Variants in SLC35F4 observed in about 807,000 individuals in gnomAD.
SLC35F4 encodes the protein chromosome 14 open reading frame 36.
A neutral mutation model predicts 44.2 loss-of-function variants in SLC35F4; 24 were observed. That is an observed-to-expected ratio of 0.54 (90% CI 0.39 to 0.76). The LOEUF is 0.76. SLC35F4 is among the 30% of genes least tolerant of loss of function. SLC35F4 has a pLI of 0.00. For missense variants in SLC35F4, 562 were observed against 586.1 expected, an observed-to-expected ratio of 0.96 and a Z score of 0.42; for synonymous variants, 238 against 223.6, an observed-to-expected ratio of 1.06 and a Z score of -0.57.
chr14:57,567,067 G>A (rs374263251), intron 6 of SLC35F4, among the ~76,000 whole-genome samples: 3 of 152,188 alleles, frequency 2.0e-5, no homozygotes, highest in Non-Finnish European at 4.4e-5. Flanking sequence ...ACAAGGGTGG[G>A]TTTAATGTAA....
chr14:57,625,298 G>C (rs908413208), intron 1 of SLC35F4, among the ~76,000 whole-genome samples: 3 of 152,076 alleles, frequency 2.0e-5, no homozygotes, highest in East Asian at 1.9e-4. Context: ...AAGGAAATAA[G>C]AGAGGACACA....
At chr14:57,820,192 G>A (rs1183488918) in intron 1 of SLC35F4, among the ~76,000 whole-genome samples, 1 of 152,088 alleles carries the variant, frequency 6.6e-6, no homozygotes, top group East Asian at 1.9e-4. Context: ...GATTTTTAAT[G>A]AATTTTTGCT....
chr14:57,574,130 T>A (rs2068656924), intron 4 of SLC35F4, among the ~76,000 whole-genome samples: 1 of 152,156 alleles, frequency 6.6e-6, no homozygotes, highest in African/African-American at 2.4e-5. Flanking sequence ...GGTTTCATTA[T>A]CCCCAAGATA....
intron 1 of SLC35F4, among the ~76,000 whole-genome samples, chr14:57,964,989 A>ATATATATATAT (rs1351434287): frequency 3.9e-4 from 50 of 127,882 alleles, no homozygotes; most frequent in African/African-American, 1.6e-3. Flanking sequence ...AAAAAAAAAA[A>ATATATATATAT]AAATATATAT....
intron 1 of SLC35F4, among the ~76,000 whole-genome samples, chr14:57,599,189 A>G (rs1037182305): frequency 2.2e-4 from 33 of 152,250 alleles, no homozygotes; most frequent in Admixed American, 3.9e-4. Flanking sequence ...ACTCATTTTT[A>G]TAGCCACTTA....
intron 4 of SLC35F4, chr14:57,578,989 C>A (rs1048722638): frequency 6.6e-6 from 1 of 152,198 alleles, no homozygotes; most frequent in Non-Finnish European, 1.5e-5. Context: ...ACAGTCCTTG[C>A]CTCTTCCAGG....
At chr14:57,600,703 A>AC (rs1239827139) in intron 1 of SLC35F4, among the ~76,000 whole-genome samples, 25 of 142,402 alleles carry the variant, frequency 1.8e-4, no homozygotes, top group African/African-American at 6.6e-4. Flanking sequence ...AAAAAAAAAA[A>AC]AAAAAAAAAA....
rs76378289 is a variant in SLC35F4, at chr14:57,732,584, T to A, written c.103+133139A>T. 2.6e-4 allele frequency among the ~76,000 whole-genome samples: 40 copies of A among 152,276 alleles called. No homozygotes were observed. In the East Asian group the frequency reaches 7.0e-3, roughly 26 times the overall value. On this transcript the variant is annotated intron_variant, in intron 1 of 7. Coordinates refer to ENST00000556826, the MANE Select transcript of SLC35F4 (RefSeq NM_001306087.2). ...TCTTTGCAACCAGAAGTTGAGCCCT[T>A]CAATTGTAGTAACTGGGCAGATGGC...
At chr14:57,785,709 T>A (rs1488890314) in intron 1 of SLC35F4, among the ~76,000 whole-genome samples, 1 of 152,004 alleles carries the variant, frequency 6.6e-6, no homozygotes, top group Admixed American at 6.6e-5. Context: ...TGGAGCTGAG[T>A]CCATTTAGAG....
chr14:57,887,635 G>A (rs1024740902), intron 1 of SLC35F4, among the ~76,000 whole-genome samples: 1 of 152,132 alleles, frequency 6.6e-6, no homozygotes, highest in African/African-American at 2.4e-5. Flanking sequence ...GAGAGAGCTG[G>A]AATTTTGGGT....
Position 57,703,544 on chromosome 14 carries a change from G to A in SLC35F4, c.104-109420C>T, listed in dbSNP as rs563304355. ...TGCCAACAAGTGGGCAGTGGTAGAG[G>A]TGAACCTTTATGAACAGGGCTAAGC... is the stretch of plus-strand genomic sequence containing the variant. On this transcript the variant is annotated intron_variant, in intron 1 of 7. Transcript: ENST00000556826. 4.6e-4 allele frequency among the ~76,000 whole-genome samples: 70 copies of A among 152,276 alleles called. No individual in the cohort carries two copies. The South Asian group carries it at 0.014, about 31-fold the overall frequency.
At chr14:57,826,129 G>A in intron 1 of SLC35F4, among the ~76,000 whole-genome samples, 1 of 152,154 alleles carries the variant, frequency 6.6e-6, no homozygotes, top group African/African-American at 2.4e-5. Flanking sequence ...CAATGCTACA[G>A]TAACCAAAAC....
intron 1 of SLC35F4, among the ~76,000 whole-genome samples, chr14:57,882,246 C>T (rs1418683841): frequency 6.6e-6 from 1 of 152,166 alleles, no homozygotes; most frequent in Non-Finnish European, 1.5e-5. Context: ...CACTGTGCCC[C>T]TACTTTGGTG....
At chr14:57,590,425 G>T (rs958622079) in intron 2 of SLC35F4, among the ~76,000 whole-genome samples, 47 of 150,930 alleles carry the variant, frequency 3.1e-4, no homozygotes, top group African/African-American at 1.1e-3. Flanking sequence ...ATTATTAAAA[G>T]TAATGTGTCC....
intron 1 of SLC35F4, among the ~76,000 whole-genome samples, chr14:57,602,716 C>T (rs2070902681): frequency 6.6e-6 from 1 of 152,144 alleles, no homozygotes; most frequent in South Asian, 2.1e-4. Flanking sequence ...AGAGGAGCTC[C>T]ACTGTTATAC....
chr14:57,867,979 T>C (rs1022252816), upstream of SLC35F4, among the ~76,000 whole-genome samples: 1 of 152,182 alleles, frequency 6.6e-6, no homozygotes, highest in Non-Finnish European at 1.5e-5. Flanking sequence ...CCATAATTAA[T>C]GTACTTAAAT....
At chr14:57,666,594 C>G (rs2074316780) in intron 1 of SLC35F4, among the ~76,000 whole-genome samples, 1 of 151,944 alleles carries the variant, frequency 6.6e-6, no homozygotes. Flanking sequence ...CCTGCAGAAA[C>G]AGTGAGATAA....
At position 57,728,151 on chromosome 14, in the gene SLC35F4, T is replaced by C. The variant is rs922779025; in HGVS notation, c.104-134027A>G. Among the ~76,000 whole-genome samples the C allele has an allele frequency of 5.9e-5, 9 of 152,332 alleles. 1 individual carries two copies. In the East Asian group the frequency reaches 1.7e-3, roughly 29 times the overall value. ...ATTATATCATGACCTTTTTTGTCTC[T>C]TCTTACAGTTTTTGTCTTGAAATAT... On this transcript the variant is annotated intron_variant, in intron 1 of 7. Coordinates refer to ENST00000556826, the MANE Select transcript of SLC35F4 (RefSeq NM_001306087.2).
chr14:57,899,290 A>C (rs1595276477), intron 1 of SLC35F4, among the ~76,000 whole-genome samples: 1 of 152,316 alleles, frequency 6.6e-6, no homozygotes, highest in South Asian at 2.1e-4. Flanking sequence ...TCACATAAGA[A>C]GTCTGAGGTT....
Sources: allele counts gnomAD v4.1 joint callset (sites outside exome capture counted in the v4.1 genomes callset), GRCh38; gene constraint gnomAD v4.1.1; transcripts MANE v1.5; gene names NCBI Gene and HGNC (gene_info 2026-07-23, HGNC 2026-07-21).